The following LDLRAD4 variants were observed in gnomAD, a reference collection of about 807,000 sequenced individuals.
LDLRAD4 encodes the protein low density lipoprotein receptor class A domain containing 4, also known as low-density lipoprotein receptor class A domain-containing protein 4.
In LDLRAD4, 5 loss-of-function variants were observed where a neutral mutation model predicts 17.0. The ratio of observed to expected loss-of-function variants is 0.29; its 90% CI spans 0.15 to 0.62. The LOEUF (loss-of-function observed/expected upper bound fraction) is 0.62, where lower values mean the gene tolerates loss of function less well. LDLRAD4 is among the 20% of genes least tolerant of loss of function. The pLI is 0.84. For missense variants in LDLRAD4, 340 were observed against 424.7 expected (o/e 0.80, Z 1.75); for synonymous variants, 168 against 171.8 (o/e 0.98, Z 0.17).
chr18:13,621,818 G>A lies in LDLRAD4; in HGVS notation c.336+547G>A, dbSNP rs1333715692. 6.6e-6 allele frequency among the ~76,000 whole-genome samples: 1 copy of A among 151,786 alleles called. No homozygotes were observed. Among genetic ancestry groups the A allele is most frequent in the Non-Finnish European group, 1.5e-5 (1 of 67,892 alleles). On this transcript the variant is annotated intron_variant, in intron 4 of 5. Transcript: ENST00000359446. This position sits in a 1 kb window ranked among gnomAD's most constrained non-coding sequence, Gnocchi z 5.5. Reference sequence around the variant, plus strand: ...TGTTGGCGGTGGGCTTGTCAGCGGTGGGCTTGTCGGCGGTAGGGTTGTCGG... The same window carrying A: ...TGTTGGCGGTGGGCTTGTCAGCGGTAGGCTTGTCGGCGGTAGGGTTGTCGG...
chr18:13,428,596 G>C (rs2090111249), intron 2 of LDLRAD4, among the ~76,000 whole-genome samples: 1 of 152,190 alleles, frequency 6.6e-6, no homozygotes, highest in Non-Finnish European at 1.5e-5. Flanking sequence ...GTGGTGGAAG[G>C]ACAGGGGAGG....
At chr18:13,325,399 G>A (rs1474568716) in intron 1 of LDLRAD4, among the ~76,000 whole-genome samples, 2 of 152,128 alleles carry the variant, frequency 1.3e-5, no homozygotes, top group East Asian at 1.9e-4. Context: ...CCTTTGAGAC[G>A]GCTCCAACCA....
chr18:13,380,562 G>A (rs1355649806), intron 1 of LDLRAD4, among the ~76,000 whole-genome samples: 2 of 152,184 alleles, frequency 1.3e-5, no homozygotes, highest in Non-Finnish European at 2.9e-5. Context: ...CATATGAGTC[G>A]ATAATTATAG....
intron 2 of LDLRAD4, among the ~76,000 whole-genome samples, chr18:13,429,150 G>A (rs1249217305): frequency 6.6e-6 from 1 of 152,162 alleles, no homozygotes; most frequent in East Asian, 1.9e-4. Flanking sequence ...GAAGGATGCG[G>A]TTCCCTGTGG....
At chr18:13,239,251 A>C (rs969756405) in intron 1 of LDLRAD4, among the ~76,000 whole-genome samples, 8 of 151,864 alleles carry the variant, frequency 5.3e-5, no homozygotes, top group Admixed American at 2.0e-4. Context: ...TGACCCATGA[A>C]GCCTGCGGTT....
rs561151249 is a variant in LDLRAD4, at chr18:13,492,763, C to A, written c.181+54379C>A. The stretch of plus-strand genomic sequence containing the variant: ...CCTGGGAGCACCAGGTCATGCCATA[C>A]CCCCCTTCCTCATTTTCTCCATCCC... On this transcript the variant is annotated intron_variant, in intron 3 of 5. Coordinates refer to ENST00000359446, the Ensembl canonical transcript of LDLRAD4. Among the ~76,000 whole-genome samples, 378 of 152,280 alleles carry A rather than the reference C, an allele frequency of 2.5e-3. 3 individuals carry two copies. Among genetic ancestry groups the A allele is most frequent in the African/African-American group, 8.6e-3 (357 of 41,538 alleles).
chr18:13,416,984 A>G (rs1305866210), intron 2 of LDLRAD4, among the ~76,000 whole-genome samples: 1 of 152,242 alleles, frequency 6.6e-6, no homozygotes, highest in Non-Finnish European at 1.5e-5. Context: ...GAACTGAACC[A>G]CAGACAGGTT....
chr18:13,460,229 C>G (rs900627205), intron 3 of LDLRAD4, among the ~76,000 whole-genome samples: 4 of 152,164 alleles, frequency 2.6e-5, no homozygotes, highest in African/African-American at 9.7e-5. Flanking sequence ...GCCTCACTCT[C>G]TTGCCTAGGC....
chr18:13,330,000 G>T (rs2081760638), intron 1 of LDLRAD4, among the ~76,000 whole-genome samples: 1 of 149,688 alleles, frequency 6.7e-6, no homozygotes, highest in Non-Finnish European at 1.5e-5. Flanking sequence ...CTGTTGCCCA[G>T]GCTGGAGTGC....
intron 3 of LDLRAD4, among the ~76,000 whole-genome samples, chr18:13,545,462 A>G (rs1343946131): frequency 5.3e-5 from 8 of 152,154 alleles, no homozygotes; most frequent in Non-Finnish European, 1.2e-4. Context: ...GCAGATTAAG[A>G]CCAATTCAAT....
At position 13,627,799 on chromosome 18, in the gene LDLRAD4, G is replaced by A. The variant is rs551442034; in HGVS notation, c.336+6528G>A. The stretch of plus-strand genomic sequence containing the variant: ...ATGGGCTCCCCGCTCTCTGAGGCTC[G>A]GCCCTGCACCAGCAGCCTCTCTGCT... On this transcript the variant is annotated intron_variant, in intron 4 of 5. Coordinates refer to ENST00000359446, the Ensembl canonical transcript of LDLRAD4. Among the ~76,000 whole-genome samples, 146 of 152,320 alleles carry A rather than the reference G, an allele frequency of 9.6e-4. 1 individual carries two copies. The highest frequency in any genetic ancestry group is 6.8e-3 in the Middle Eastern group (2 of 294).
chr18:13,377,732 G>A (rs1196523821), intron 1 of LDLRAD4, among the ~76,000 whole-genome samples: 1 of 152,146 alleles, frequency 6.6e-6, no homozygotes, highest in Non-Finnish European at 1.5e-5. Context: ...CAAACTGCTG[G>A]CCAGTCCCAA....
chr18:13,485,587 TGCTGGGCCCG>T (rs1225921481), intron 3 of LDLRAD4, among the ~76,000 whole-genome samples: 3 of 152,266 alleles, frequency 2.0e-5, no homozygotes, highest in Non-Finnish European at 4.4e-5. Context: ...AGATGTGCCC[TGCTGGGCCCG>T]GGGCGTGGCC....
chr18:13,481,377 G>C (rs113372357), intron 3 of LDLRAD4, among the ~76,000 whole-genome samples: 1 of 152,194 alleles, frequency 6.6e-6, no homozygotes, highest in Non-Finnish European at 1.5e-5. Flanking sequence ...TGGACAGAAG[G>C]GGTGATTCAG....
intron 1 of LDLRAD4, among the ~76,000 whole-genome samples, chr18:13,383,425 A>G (rs1323382625): frequency 1.3e-5 from 2 of 152,162 alleles, no homozygotes; most frequent in Non-Finnish European, 2.9e-5. Flanking sequence ...GTTGTGTAGC[A>G]GGGTCTGGAC....
At chr18:13,508,094 G>A (rs2093723010) in intron 3 of LDLRAD4, among the ~76,000 whole-genome samples, 2 of 152,158 alleles carry the variant, frequency 1.3e-5, no homozygotes, top group African/African-American at 4.8e-5. Context: ...AGTTTAAGTG[G>A]TCTGGATAGA....
intron 3 of LDLRAD4, among the ~76,000 whole-genome samples, chr18:13,586,076 T>C (rs550839463): frequency 2.3e-4 from 35 of 152,162 alleles, no homozygotes; most frequent in African/African-American, 8.2e-4. Context: ...GAGGCTAAAA[T>C]TACTGCAACC....
rs530464896 is a variant in LDLRAD4 at position 13,463,498 on chromosome 18, A to T, written c.181+25114A>T. On this transcript the variant is annotated intron_variant, in intron 3 of 5. Transcript: ENST00000359446. ...TATTTTTGTGCTCAAACAGGCTTAAAAACAGTTGTTAACACATATTCTCAT... is the reference window on the plus strand; with the variant it reads ...TATTTTTGTGCTCAAACAGGCTTAATAACAGTTGTTAACACATATTCTCAT... 4.6e-5 allele frequency among the ~76,000 whole-genome samples: 7 copies of T among 152,350 alleles called. No homozygotes were observed. The East Asian group carries it at 1.3e-3, about 29-fold the overall frequency.
chr18:13,247,777 T>A (rs1314405593), intron 1 of LDLRAD4, among the ~76,000 whole-genome samples: 5 of 152,254 alleles, frequency 3.3e-5, no homozygotes, highest in African/African-American at 1.2e-4. Flanking sequence ...TGTAAGCGCC[T>A]GTGCTTAAGA....
Sources: gnomAD v4.1 joint callset for allele counts (sites outside exome capture counted in the v4.1 genomes callset) on GRCh38, gnomAD v4.1.1 for gene constraint, Gnocchi (gnomAD v3.1) non-coding constraint, MANE v1.5 for transcripts, NCBI Gene and HGNC (gene_info 2026-07-23, HGNC 2026-07-21) for gene names.